GRIK4: variants seen among roughly 807,000 people sequenced by gnomAD.
GRIK4 encodes glutamate receptor ionotropic, kainate 4.
A neutral mutation model predicts 104.9 loss-of-function variants in GRIK4; 40 were observed. The observed-to-expected ratio is 0.38, with a 90% CI of 0.30 to 0.50. The LOEUF (loss-of-function observed/expected upper bound fraction) is 0.50. GRIK4 is among the 20% of genes least tolerant of loss of function. GRIK4 has a pLI of 0.93. For synonymous variants in GRIK4, 485 were observed against 524.9 expected, an observed-to-expected ratio of 0.92 and a Z score of 1.04; for missense variants, 1,047 against 1,308.1, an observed-to-expected ratio of 0.80 and a Z score of 3.08.
chr11:120,599,798 T>G (rs943200791), intron 1 of GRIK4, among the ~76,000 whole-genome samples: 3 of 152,316 alleles, frequency 2.0e-5, no homozygotes, highest in Admixed American at 2.0e-4. Flanking sequence ...ACAAACACCT[T>G]GGGCCTTGTC....
At chr11:120,822,994 T>G (rs917293733) in intron 6 of GRIK4, among the ~76,000 whole-genome samples, 6 of 152,238 alleles carry the variant, frequency 3.9e-5, no homozygotes, top group Non-Finnish European at 8.8e-5. Context: ...TGTGGTGCCC[T>G]TGGACCATCG....
In GRIK4 at chr11:120,914,354, T is replaced by A. The variant is rs1943061975; in HGVS notation, c.1476+8861T>A. On this transcript the variant is annotated intron_variant, in intron 13 of 20. Transcript: ENST00000527524. Reference sequence around the variant, plus strand: ...CACTGTTCTGAGCACTTGACTGTATTAACTCAAGCCTCACAATAACTGAAT... The same window carrying A: ...CACTGTTCTGAGCACTTGACTGTATAAACTCAAGCCTCACAATAACTGAAT... Among the ~76,000 whole-genome samples, 2 of 152,200 alleles carry A rather than the reference T, an allele frequency of 1.3e-5. 1 individual carries two copies. The highest frequency in any genetic ancestry group is 4.1e-4 in the South Asian group (2 of 4,830).
Position 120,903,271 on chromosome 11 carries a change from C to A in GRIK4, c.1273-2019C>A, listed in dbSNP as rs576301615. Among the ~76,000 whole-genome samples the A allele has an allele frequency of 6.6e-6, 1 of 152,292 alleles. No individual in the cohort carries two copies. Among genetic ancestry groups the A allele is most frequent in the South Asian group, 2.1e-4 (1 of 4,824 alleles). On this transcript the variant is annotated intron_variant, in intron 12 of 20. Coordinates refer to ENST00000527524, the MANE Select transcript of GRIK4 (RefSeq NM_014619.5). This position sits in a 1 kb window ranked among gnomAD's most constrained non-coding sequence, Gnocchi z 4.4. ...GCCTTGGTAATCCCTGAGCCCAGCT[C>A]TCCTCTGTCCCTGTCGCATCCCCTG...
chr11:120,779,857 C>T (rs1952116614), intron 3 of GRIK4, among the ~76,000 whole-genome samples: 1 of 152,226 alleles, frequency 6.6e-6, no homozygotes, highest in Non-Finnish European at 1.5e-5. Flanking sequence ...ATTCCACAAG[C>T]ATTGTGATAC....
At chr11:120,605,566 C>G (rs1459217043) in intron 1 of GRIK4, among the ~76,000 whole-genome samples, 4 of 152,342 alleles carry the variant, frequency 2.6e-5, no homozygotes, top group Non-Finnish European at 5.9e-5. Context: ...GCTTTTGCTG[C>G]AAGAGCTTCC....
chr11:120,533,538 G>C (rs1309075966), intron 1 of GRIK4, among the ~76,000 whole-genome samples: 3 of 152,172 alleles, frequency 2.0e-5, no homozygotes, highest in African/African-American at 7.2e-5. Flanking sequence ...GGGTCATTGG[G>C]GCATCTGCAG....
At chr11:120,883,885 C>CCTGGAAGAG (rs1312910161) in intron 11 of GRIK4, among the ~76,000 whole-genome samples, 2 of 152,154 alleles carry the variant, frequency 1.3e-5, no homozygotes, top group Admixed American at 6.5e-5. Flanking sequence ...CCAGCTCATG[C>CCTGGAAGAG]CTGGAAGAGC....
At chr11:120,968,519 A>G (rs1944421623) in intron 19 of GRIK4, among the ~76,000 whole-genome samples, 1 of 152,220 alleles carries the variant, frequency 6.6e-6, no homozygotes. Flanking sequence ...GAGACAGTGA[A>G]TGAATAACTA....
chr11:120,568,589 T>C (rs915342084), intron 1 of GRIK4, among the ~76,000 whole-genome samples: 21 of 152,294 alleles, frequency 1.4e-4, no homozygotes, highest in Admixed American at 1.1e-3. Flanking sequence ...GGTTTCACCA[T>C]GTCAGCCAGG....
At chr11:120,527,223 G>C (rs527672361) in intron 1 of GRIK4, among the ~76,000 whole-genome samples, 27 of 152,338 alleles carry the variant, frequency 1.8e-4, no homozygotes, top group Admixed American at 4.6e-4. Flanking sequence ...TTGTGGCTCT[G>C]CCCCTGCTGG....
chr11:120,720,059 C>G (rs115919256), intron 3 of GRIK4, among the ~76,000 whole-genome samples: 259 of 151,762 alleles, frequency 1.7e-3, no homozygotes, highest in African/African-American at 6.0e-3. Flanking sequence ...CAGGAAATAA[C>G]TTTTACTTAA....
chr11:120,592,660 G>T (rs572461627), intron 1 of GRIK4, among the ~76,000 whole-genome samples: 67 of 152,180 alleles, frequency 4.4e-4, no homozygotes, highest in African/African-American at 1.6e-3. Context: ...CTCCCTCTGA[G>T]CGCAGCATCT....
chr11:120,653,052 C>T (rs758128297), intron 1 of GRIK4, among the ~76,000 whole-genome samples: 1 of 152,170 alleles, frequency 6.6e-6, no homozygotes, highest in Non-Finnish European at 1.5e-5. Flanking sequence ...GAGATGTTCC[C>T]CTGCTTTAAA....
chr11:120,815,448 C>T lies in GRIK4; in HGVS notation c.318C>T (p.Ile106=). The T allele has an allele frequency of 6.5e-7, 1 of 1,549,908 alleles. No homozygotes were observed. The highest frequency in any genetic ancestry group is 8.7e-7 in the Non-Finnish European group (1 of 1,145,268). The change falls in exon 5 of 21, where the codon ATC becomes ATT. Residue 106 remains isoleucine, a synonymous_variant. Transcript: ENST00000527524. ...GPSSSPASSS[I]ISNICGEKEV... ...CGTCCAGCCCAGCCTCCAGCTCCAT[C>T]ATCAGCAACATCTGTGGAGAGAAGG... is the stretch of plus-strand genomic sequence containing the variant.
chr11:120,670,424 T>G (rs1320102977), intron 3 of GRIK4, among the ~76,000 whole-genome samples: 8 of 152,250 alleles, frequency 5.3e-5, no homozygotes, highest in Admixed American at 5.2e-4. Flanking sequence ...GAACTGCCCT[T>G]TATTCTGATG....
chr11:120,579,785 G>A (rs564285213), intron 1 of GRIK4, among the ~76,000 whole-genome samples: 8 of 152,166 alleles, frequency 5.3e-5, no homozygotes, highest in South Asian at 4.1e-4. Context: ...AAAATTCCCC[G>A]TTTAGCATAA....
chr11:120,959,519 ATTCAGAATTT>A (rs1944241638), intron 16 of GRIK4, among the ~76,000 whole-genome samples: 1 of 152,234 alleles, frequency 6.6e-6, no homozygotes, highest in Admixed American at 6.5e-5. Context: ...GGCTCCACTG[ATTCAGAATTT>A]GTGATTCTCC....
At chr11:120,724,524 T>C (rs1950993495) in intron 3 of GRIK4, among the ~76,000 whole-genome samples, 1 of 152,202 alleles carries the variant, frequency 6.6e-6, no homozygotes, top group Non-Finnish European at 1.5e-5. Context: ...GGAATGTTAT[T>C]GGCATTGAAT....
chr11:120,948,551 C>A (rs994279243), intron 14 of GRIK4, among the ~76,000 whole-genome samples: 8 of 152,140 alleles, frequency 5.3e-5, no homozygotes, highest in Non-Finnish European at 1.0e-4. Context: ...TGGTATTGCC[C>A]TAAGTGCTTC....
Sources: gnomAD v4.1 joint callset for allele counts (sites outside exome capture counted in the v4.1 genomes callset) on GRCh38, gnomAD v4.1.1 for gene constraint, Gnocchi (gnomAD v3.1) non-coding constraint, MANE v1.5 for transcripts, NCBI Gene and HGNC (gene_info 2026-07-23, HGNC 2026-07-21) for gene names.